Variants in RHAG observed in about 807,000 individuals in gnomAD.
The protein encoded by RHAG is Rh associated glycoprotein, also known as ammonium transporter Rh type A.
Under a neutral mutation model 42.4 loss-of-function variants are expected in RHAG, and 25 were observed. That is an observed-to-expected ratio of 0.59 (90% CI 0.43 to 0.82). RHAG has a LOEUF of 0.82. Among genes scored for constraint, RHAG ranks in the 40% least tolerant of loss-of-function variants. The probability of loss-of-function intolerance (pLI) is 0.00; values close to 1 mark genes in which losing one functional copy is unlikely to be tolerated. For synonymous variants in RHAG, 182 were observed against 177.7 expected (o/e 1.02, Z -0.19); for missense variants, 483 against 504.6 (o/e 0.96, Z 0.41).
intron 5 of RHAG, among the ~76,000 whole-genome samples, chr6:49,614,052 A>G (rs957477010): frequency 2.0e-5 from 3 of 152,184 alleles, no homozygotes; most frequent in African/African-American, 7.2e-5. Context: ...ATCTTTTCTC[A>G]GAACTTGGGA....
Position 49,614,840 on chromosome 6 carries a change from C to A in RHAG, c.654G>T (p.Leu218=), listed in dbSNP as rs761416349. The part of the protein sequence containing the change: ...DLFAMIGTLF[L]WMFWPSFNSA... Reference sequence around the variant, plus strand: ...AGTTAAAGCTGGGCCAAAACATCCACAGAAAGAGAGTCCCTGTAGTGAACC... The same window carrying A: ...AGTTAAAGCTGGGCCAAAACATCCAAAGAAAGAGAGTCCCTGTAGTGAACC... The change falls in exon 5 of 10, where the codon CTG becomes CTT. Residue 218 remains leucine, a synonymous_variant. Coordinates refer to ENST00000371175, the MANE Select transcript of RHAG (RefSeq NM_000324.3). The A allele has an allele frequency of 1.2e-6, 2 of 1,614,180 alleles. No individual in the cohort carries two copies. The highest frequency in any genetic ancestry group is 8.5e-7 in the Non-Finnish European group (1 of 1,180,042).
chr6:49,608,893 A>G (rs1486859998), intron 7 of RHAG, among the ~76,000 whole-genome samples: 1 of 152,062 alleles, frequency 6.6e-6, no homozygotes. Context: ...CTTCTTTTGT[A>G]AATTTCCTGT....
chr6:49,635,571 T>A (rs1027954991), intron 1 of RHAG, among the ~76,000 whole-genome samples: 2 of 152,124 alleles, frequency 1.3e-5, no homozygotes, highest in African/African-American at 4.8e-5. Flanking sequence ...ACTTATTTAA[T>A]CAAGAACCCT....
chr6:49,612,506 C>T lies in RHAG; in HGVS notation c.836G>A (p.Gly279Glu), dbSNP rs121918587. ...CGCACAAGTGCCCACAGCAACTCCT[C>T]CAGCAAGGGTGGCATTCTGAATGTG... is the stretch of plus-strand genomic sequence containing the variant. ...MVHIQNATLAGGVAVGTCADM... is the reference protein window; with the variant it reads ...MVHIQNATLAEGVAVGTCADM... Residue 279 changes from glycine to glutamate, a missense_variant, in exon 6 of 10, where the codon GGA becomes GAA. Physicochemically the swap from Gly to Glu is moderately conservative, Grantham distance 98 (BLOSUM62 -2). Transcript: ENST00000371175. 5 of 1,614,108 alleles carry T rather than the reference C, an allele frequency of 3.1e-6. No individual in the cohort carries two copies. Among genetic ancestry groups the T allele is most frequent in the Non-Finnish European group, 2.5e-6 (3 of 1,180,010 alleles).
chr6:49,624,951 C>A (rs1762821599), intron 1 of RHAG, among the ~76,000 whole-genome samples: 1 of 152,146 alleles, frequency 6.6e-6, no homozygotes. Context: ...TCAATTTTAT[C>A]TCTATGTGTA....
intron 1 of RHAG, among the ~76,000 whole-genome samples, chr6:49,636,067 G>A (rs1763005839): frequency 6.6e-6 from 1 of 152,138 alleles, no homozygotes; most frequent in South Asian, 2.1e-4. Flanking sequence ...CATTCCCAAG[G>A]AAGGATTTTG....
rs541761815 is a variant in RHAG, at chr6:49,621,108, T to C, written c.158-1746A>G. On this transcript the variant is annotated intron_variant, in intron 1 of 9. Transcript: ENST00000371175. ...GCTTCTTGGCTCCTCTCTACTTCTGTTCTGCCATCAGGCTCAGGGGCTAGT... is the reference window on the plus strand; with the variant it reads ...GCTTCTTGGCTCCTCTCTACTTCTGCTCTGCCATCAGGCTCAGGGGCTAGT... 2.0e-5 allele frequency among the ~76,000 whole-genome samples: 3 copies of C among 152,138 alleles called. No homozygotes were observed. The South Asian group carries it at 6.2e-4, about 32-fold the overall frequency.
intron 1 of RHAG, among the ~76,000 whole-genome samples, chr6:49,630,364 A>G (rs1762916687): frequency 6.6e-6 from 1 of 152,220 alleles, no homozygotes; most frequent in Non-Finnish European, 1.5e-5. Flanking sequence ...GGCTTGTCTC[A>G]GAGAACTCAA....
intron 1 of RHAG, among the ~76,000 whole-genome samples, chr6:49,620,679 A>G (rs1762741824): frequency 1.3e-5 from 2 of 152,096 alleles, no homozygotes; most frequent in Non-Finnish European, 2.9e-5. Flanking sequence ...TTACGGGCGC[A>G]TGCCACCATG....
At chr6:49,616,442 T>C (rs1762656909) in intron 3 of RHAG, among the ~76,000 whole-genome samples, 2 of 151,720 alleles carry the variant, frequency 1.3e-5, no homozygotes, top group South Asian at 4.1e-4. Context: ...GCTCACTTAA[T>C]TGTAACTCAA....
chr6:49,610,153 G>A (rs1762549550), intron 7 of RHAG, among the ~76,000 whole-genome samples: 1 of 152,016 alleles, frequency 6.6e-6, no homozygotes, highest in South Asian at 2.1e-4. Context: ...TGGCTGATGG[G>A]TGCAGCAAAC....
intron 2 of RHAG, among the ~76,000 whole-genome samples, chr6:49,618,553 C>A (rs1056951703): frequency 5.9e-5 from 9 of 152,020 alleles, no homozygotes; most frequent in African/African-American, 2.2e-4. Flanking sequence ...ATTTTTGCTC[C>A]CTGTAGCTGA....
intron 6 of RHAG, 141 bp from the exon 7 acceptor site, chr6:49,611,286 C>A: frequency 4.6e-6 from 3 of 656,452 alleles, no homozygotes; most frequent in Non-Finnish European, 5.1e-6. Context: ...TTAAGGTATA[C>A]AACATGATGT....
At chr6:49,623,179 A>T (rs1762792684) in intron 1 of RHAG, among the ~76,000 whole-genome samples, 1 of 152,104 alleles carries the variant, frequency 6.6e-6, no homozygotes, top group Non-Finnish European at 1.5e-5. Context: ...TTCATATATT[A>T]ACTGTGCTTC....
Position 49,607,212 on chromosome 6 carries a change from G to A in RHAG, c.1076C>T (p.Ala359Val). 4 of 1,612,966 alleles carry A rather than the reference G, an allele frequency of 2.5e-6. No individual in the cohort carries two copies. Among genetic ancestry groups the A allele is most frequent in the East Asian group, 2.2e-5 (1 of 44,870 alleles). Residue 359 changes from alanine to valine, a missense_variant, in exon 8 of 10, where the codon GCC becomes GTC. By Grantham distance (64) the Ala-to-Val change is moderately conservative. Coordinates refer to ENST00000371175, the MANE Select transcript of RHAG (RefSeq NM_000324.3). ...GGAACCCAGTGCAGCTGCCTGCATG[G>A]CCATAGACCTAAGGAAGCAAACAAA... ...VAMGASNTSM[A>V]MQAAALGSSI...
At chr6:49,632,269 A>G (rs894577508) in intron 1 of RHAG, 1 of 152,194 alleles carries the variant, frequency 6.6e-6, no homozygotes, top group Non-Finnish European at 1.5e-5. Context: ...CCATTTTAAT[A>G]AGATTCCATT....
At chr6:49,614,025 A>G (rs567882927) in intron 5 of RHAG, among the ~76,000 whole-genome samples, 1 of 152,248 alleles carries the variant, frequency 6.6e-6, no homozygotes, top group South Asian at 2.1e-4. Flanking sequence ...CTGTTTGATA[A>G]ATCTTGTTTC....
chr6:49,636,801 T>C lies in RHAG; in HGVS notation c.12A>G (p.Thr4=), dbSNP rs761593524. 6.2e-7 allele frequency: 1 copy of C among 1,613,756 alleles called. No individual in the cohort carries two copies. ...CCAGGACTATAGCCATGAGAGGGAA[T>C]GTGAACCTCATGTTTGTGGCAAAGG... is the stretch of plus-strand genomic sequence containing the variant. MRF[T]FPLMAIVLEI... The change falls in exon 1 of 10, where the codon ACA becomes ACG. Residue 4 remains threonine (T), a synonymous_variant. Transcript: ENST00000371175.
chr6:49,611,171 T>G, intron 6 of RHAG, 26 bp from the exon 7 acceptor site: 1 of 1,588,770 alleles, frequency 6.3e-7, no homozygotes, highest in Non-Finnish European at 8.6e-7. Context: ...GAAGAAGGTT[T>G]ATTATTTAGT....
Sources: allele counts gnomAD v4.1 joint callset (sites outside exome capture counted in the v4.1 genomes callset), GRCh38; gene constraint gnomAD v4.1.1; transcripts MANE v1.5; gene names NCBI Gene and HGNC (gene_info 2026-07-23, HGNC 2026-07-21).